EDIL3: variants seen among roughly 807,000 people sequenced by gnomAD.
EDIL3 encodes EGF like and discoidin domains 3.
EDIL3 carries 37 observed loss-of-function variants against 67.4 expected under a neutral mutation model. The observed-to-expected ratio is 0.55, with a 90% CI of 0.42 to 0.72. The LOEUF (loss-of-function observed/expected upper bound fraction) is 0.72, where lower values mean the gene tolerates loss of function less well. Ranked by LOEUF, EDIL3 falls within the 30% of genes least tolerant of loss-of-function variation. The pLI is 0.00. For missense variants in EDIL3, 527 were observed against 586.3 expected (o/e 0.90, Z 1.04); for synonymous variants, 195 against 196.3 (o/e 0.99, Z 0.05).
At chr5:84,140,497 A>G (rs1748169725) in intron 4 of EDIL3, among the ~76,000 whole-genome samples, 1 of 152,274 alleles carries the variant, frequency 6.6e-6, no homozygotes, top group African/African-American at 2.4e-5. Flanking sequence ...CCTTCCAGTT[A>G]TAGGCTCATC....
At chr5:84,116,008 G>A (rs952453567) in intron 5 of EDIL3, among the ~76,000 whole-genome samples, 34 of 152,232 alleles carry the variant, frequency 2.2e-4, no homozygotes, top group African/African-American at 7.9e-4. Flanking sequence ...TGCCTTTGAT[G>A]TTTGGTTATA....
Position 84,064,714 on chromosome 5 carries a change from C to T in EDIL3, c.938G>A (p.Gly313Asp). ...TTGAGACTTACCCGACAGTTCACAG[C>T]CAAGAAGTTCCATTCGCAAAGTGCA... ...RHCTLRMELL[G>D]CELSGCSEPL... The change falls in exon 8 of 11, where the codon GGC (glycine) becomes GAC (aspartate). Residue 313 changes from glycine to aspartate, a missense_variant. Around this residue, in one of 2 missense-constraint regions of EDIL3, gnomAD observed 494 missense variants for 522.5 expected, o/e 0.95. Coordinates refer to ENST00000296591, the MANE Select transcript of EDIL3 (RefSeq NM_005711.5). The T allele has an allele frequency of 4.3e-6, 7 of 1,612,176 alleles. No homozygotes were observed. Among genetic ancestry groups the T allele is most frequent in the Non-Finnish European group, 5.9e-6 (7 of 1,178,920 alleles).
chr5:84,183,974 C>T (rs577290896), intron 3 of EDIL3, among the ~76,000 whole-genome samples: 9 of 152,208 alleles, frequency 5.9e-5, no homozygotes, highest in African/African-American at 1.4e-4. Context: ...GGTGTAGTGG[C>T]GCATGGCTAT....
At chr5:84,070,778 T>A (rs1377522211) in intron 6 of EDIL3, among the ~76,000 whole-genome samples, 1 of 152,124 alleles carries the variant, frequency 6.6e-6, no homozygotes, top group African/African-American at 2.4e-5. Context: ...AGAACATTGC[T>A]GAGCAGGCTT....
chr5:84,006,503 T>A, intron 9 of EDIL3, among the ~76,000 whole-genome samples: 1 of 152,122 alleles, frequency 6.6e-6, no homozygotes, highest in Non-Finnish European at 1.5e-5. Flanking sequence ...TTCCCACTTG[T>A]AAGTGCAAGC....
At chr5:84,263,916 C>G (rs1745290001) in intron 1 of EDIL3, among the ~76,000 whole-genome samples, 1 of 152,042 alleles carries the variant, frequency 6.6e-6, no homozygotes, top group Non-Finnish European at 1.5e-5. Context: ...GGAAGATGTA[C>G]CAGGAAGTTT....
At chr5:84,099,893 A>T (rs1033555295) in intron 6 of EDIL3, among the ~76,000 whole-genome samples, 6 of 147,428 alleles carry the variant, frequency 4.1e-5, no homozygotes, top group Non-Finnish European at 9.1e-5. Flanking sequence ...AGAAAAAAAA[A>T]CCCATCAAAA....
At chr5:84,108,724 T>C (rs1475331980) in intron 5 of EDIL3, among the ~76,000 whole-genome samples, 3 of 152,208 alleles carry the variant, frequency 2.0e-5, no homozygotes, top group South Asian at 2.1e-4. Flanking sequence ...TTTAATAATA[T>C]TGTCATCAAA....
intron 9 of EDIL3, among the ~76,000 whole-genome samples, chr5:84,011,868 ACTCT>A (rs1171320596): frequency 2.6e-5 from 4 of 151,636 alleles, no homozygotes; most frequent in African/African-American, 4.8e-5. Context: ...CCATTTACAT[ACTCT>A]CTCTCTATCG....
At chr5:84,206,258 G>T (rs1332817499) in intron 3 of EDIL3, among the ~76,000 whole-genome samples, 3 of 151,966 alleles carry the variant, frequency 2.0e-5, no homozygotes, top group African/African-American at 4.8e-5. Flanking sequence ...TCTAGTTTGA[G>T]TGCACTGTGG....
At chr5:84,148,809 AT>A (rs1473953945) in intron 4 of EDIL3, among the ~76,000 whole-genome samples, 3 of 151,990 alleles carry the variant, frequency 2.0e-5, no homozygotes, top group African/African-American at 7.2e-5. Context: ...CTTTTTATAT[AT>A]TTTTATCCCA....
chr5:84,124,525 C>T (rs1747832246), intron 5 of EDIL3, among the ~76,000 whole-genome samples: 1 of 151,810 alleles, frequency 6.6e-6, no homozygotes, highest in Non-Finnish European at 1.5e-5. Flanking sequence ...GCTATTGTCA[C>T]CTGCTAAGTG....
At chr5:84,354,614 G>A (rs1234616490) in intron 1 of EDIL3, among the ~76,000 whole-genome samples, 5 of 147,382 alleles carry the variant, frequency 3.4e-5, no homozygotes, top group South Asian at 2.1e-4. Flanking sequence ...CTGAGATCAC[G>A]CCACTGCACT....
intron 4 of EDIL3, among the ~76,000 whole-genome samples, chr5:84,157,744 T>TGGTCAAG (rs1748518942): frequency 6.9e-6 from 1 of 145,718 alleles, no homozygotes; most frequent in African/African-American, 2.5e-5. Flanking sequence ...GAAGAAGATT[T>TGGTCAAG]TTAATCTCTC....
chr5:84,289,562 C>T (rs1045863514), intron 1 of EDIL3, among the ~76,000 whole-genome samples: 18 of 152,094 alleles, frequency 1.2e-4, no homozygotes, highest in African/African-American at 4.3e-4. Context: ...TAGTCTGTCC[C>T]CAATTCCTCA....
intron 1 of EDIL3, among the ~76,000 whole-genome samples, chr5:84,295,507 T>A (rs1463931335): frequency 1.3e-5 from 2 of 152,076 alleles, no homozygotes; most frequent in Admixed American, 1.3e-4. Context: ...TTTTGAATAT[T>A]CAACAAGAAT....
At chr5:84,376,117 T>C (rs1747960845) in intron 1 of EDIL3, among the ~76,000 whole-genome samples, 1 of 152,196 alleles carries the variant, frequency 6.6e-6, no homozygotes, top group African/African-American at 2.4e-5. Flanking sequence ...ACTTAGTAGC[T>C]CTATGATCTC....
chr5:84,106,873 AT>A, intron 5 of EDIL3, 43 bp from the exon 6 acceptor site: 1 of 1,548,706 alleles, frequency 6.5e-7, no homozygotes, highest in Non-Finnish European at 8.7e-7. Context: ...ATTAGAAACA[AT>A]GCATATACAA....
intron 9 of EDIL3, among the ~76,000 whole-genome samples, chr5:84,055,541 A>G (rs1215697526): frequency 6.6e-6 from 1 of 151,648 alleles, no homozygotes; most frequent in East Asian, 1.9e-4. Flanking sequence ...ATGGGAGAAA[A>G]TTTTTGCAAT....
Sources: allele counts gnomAD v4.1 joint callset (sites outside exome capture counted in the v4.1 genomes callset), GRCh38; gene constraint gnomAD v4.1.1; regional missense constraint gnomAD v4.1.1; transcripts MANE v1.5; gene names NCBI Gene and HGNC (gene_info 2026-07-23, HGNC 2026-07-21).